Variants in SLC44A1 observed in about 807,000 individuals in gnomAD.
SLC44A1 encodes the protein choline transporter-like protein 1.
A neutral mutation model predicts 79.3 loss-of-function variants in SLC44A1; 26 were observed. The observed-to-expected ratio is 0.33, with a 90% CI of 0.24 to 0.46. The LOEUF (loss-of-function observed/expected upper bound fraction) is 0.46, where lower values mean the gene tolerates loss of function less well. Among genes scored for constraint, SLC44A1 ranks in the 20% least tolerant of loss-of-function variants. The pLI is 1.00. For missense variants in SLC44A1, 688 were observed against 798.1 expected (o/e 0.86, Z 1.66); for synonymous variants, 263 against 286.2 (o/e 0.92, Z 0.82).
chr9:105,287,476 A>G (rs911465709), intron 1 of SLC44A1, among the ~76,000 whole-genome samples: 1 of 152,212 alleles, frequency 6.6e-6, no homozygotes, highest in Non-Finnish European at 1.5e-5. Flanking sequence ...TAATATGTAC[A>G]GTATGGGAAC....
chr9:105,249,690 A>T (rs79811473), intron 1 of SLC44A1, among the ~76,000 whole-genome samples: 1 of 147,802 alleles, frequency 6.8e-6, no homozygotes, highest in African/African-American at 2.6e-5. Context: ...ACACCCAGCT[A>T]ATTTTTTTTT....
chr9:105,274,052 T>C (rs906662486), intron 1 of SLC44A1, among the ~76,000 whole-genome samples: 1 of 152,122 alleles, frequency 6.6e-6, no homozygotes, highest in Non-Finnish European at 1.5e-5. Context: ...ATACTGACAC[T>C]GATGTTAGAG....
chr9:105,292,164 G>A (rs569076904), intron 1 of SLC44A1, among the ~76,000 whole-genome samples: 3 of 152,228 alleles, frequency 2.0e-5, no homozygotes, highest in Admixed American at 1.3e-4. Context: ...GCTTAGTCTG[G>A]GGGAATGCCA....
Position 105,395,992 on chromosome 9 carries a change from A to G in SLC44A1, c.*6936A>G. On this transcript the variant is annotated 3_prime_UTR_variant, in exon 16 of 16. Coordinates refer to ENST00000374720, the MANE Select transcript of SLC44A1 (RefSeq NM_080546.5). ...GGGCTGGTGATTTGAAACAGGGACT[A>G]TTAAGTAGATTTTCCCCCATCCTCT... is the stretch of plus-strand genomic sequence containing the variant. The G allele has an allele frequency of 1.0e-6, 1 of 984,886 alleles. No homozygotes were observed. The highest frequency in any genetic ancestry group is 1.2e-6 in the Non-Finnish European group (1 of 829,812). 61.0% of individuals were successfully genotyped at this position (984,886 alleles called of 1,614,324 possible).
chr9:105,335,834 A>G (rs1826900445), intron 4 of SLC44A1, 135 bp downstream of exon 4: 8 of 868,772 alleles, frequency 9.2e-6, no homozygotes, highest in Non-Finnish European at 1.4e-5. Flanking sequence ...TTGCTAAAAA[A>G]TATTATAGTC....
chr9:105,354,574 A>T (rs1329142050), intron 5 of SLC44A1, among the ~76,000 whole-genome samples: 1 of 152,212 alleles, frequency 6.6e-6, no homozygotes, highest in Non-Finnish European at 1.5e-5. Context: ...ACCATTTTGG[A>T]GGTTGACACA....
intron 5 of SLC44A1, among the ~76,000 whole-genome samples, chr9:105,351,632 G>GAGAAAAGAAAGAAAGAAAGAA (rs1554797208): frequency 9.9e-6 from 1 of 101,358 alleles, no homozygotes; most frequent in Non-Finnish European, 2.0e-5. Context: ...GAGAGAGAAA[G>GAGAAAAGAAAGAAAGAAAGAA]AGAAAGAAAG....
In SLC44A1 at chr9:105,393,836, T is replaced by C. The variant is rs1803509767; in HGVS notation, c.*4780T>C. On this transcript the variant is annotated 3_prime_UTR_variant, in exon 16 of 16. Transcript: ENST00000374720. The stretch of plus-strand genomic sequence containing the variant: ...TTGATGCTCAGTTTTACAACTTAAA[T>C]GATTTTCTCCAGGACACGGAGCTCA... 1.0e-6 allele frequency: 1 copy of C among 984,846 alleles called. No homozygotes were observed. Among genetic ancestry groups the C allele is most frequent in the African/African-American group, 1.7e-5 (1 of 57,236 alleles). 61.0% of individuals were successfully genotyped at this position (984,846 alleles called of 1,614,324 possible). A position where few individuals can be genotyped will look rare whatever the true frequency, so the allele number is the denominator to read the frequency against.
chr9:105,399,961 C>T (rs1381745580), downstream of SLC44A1, among the ~76,000 whole-genome samples: 1 of 148,614 alleles, frequency 6.7e-6, no homozygotes, highest in African/African-American at 2.5e-5. Context: ...TTTGGGTGGC[C>T]GACATGGGTG....
At chr9:105,292,999 A>T (rs1830638975) in intron 1 of SLC44A1, among the ~76,000 whole-genome samples, 1 of 151,490 alleles carries the variant, frequency 6.6e-6, no homozygotes, top group African/African-American at 2.4e-5. Flanking sequence ...AATCCATTTA[A>T]AAAAAAAATT....
Position 105,348,346 on chromosome 9 carries a change from T to C in SLC44A1, c.407-12T>C. 2 of 1,507,988 alleles carry C rather than the reference T, an allele frequency of 1.3e-6. No homozygotes were observed. The highest frequency in any genetic ancestry group is 1.8e-6 in the Non-Finnish European group (2 of 1,089,176). 93.4% of individuals were successfully genotyped at this position (1,507,988 alleles called of 1,614,324 possible). A position where few individuals can be genotyped will look rare whatever the true frequency, so the allele number is the denominator to read the frequency against. ...ACTGTTCTGCCACCTAACATAATTT[T>C]TCTTTCAACAGGTTCAGCCCTATGT... is the stretch of plus-strand genomic sequence containing the variant. On this transcript the variant is annotated splice_polypyrimidine_tract_variant and intron_variant, in intron 4 of 15. Transcript: ENST00000374720.
At chr9:105,256,219 C>G (rs780319112) in intron 1 of SLC44A1, among the ~76,000 whole-genome samples, 1 of 151,870 alleles carries the variant, frequency 6.6e-6, no homozygotes, top group Non-Finnish European at 1.5e-5. Flanking sequence ...GCCATGTTGC[C>G]CAGGCTGGTC....
intron 3 of SLC44A1, among the ~76,000 whole-genome samples, chr9:105,318,179 TTTTG>T (rs1479440082): frequency 6.6e-6 from 1 of 152,170 alleles, no homozygotes; most frequent in Admixed American, 6.5e-5. Flanking sequence ...ATACAGGTTT[TTTTG>T]TTTGTTTGTT....
intron 2 of SLC44A1, among the ~76,000 whole-genome samples, chr9:105,304,963 T>G (rs866373327): frequency 3.9e-4 from 44 of 112,902 alleles, no homozygotes; most frequent in South Asian, 6.8e-4. Context: ...TTTTTTTTTT[T>G]TTTTTTTTTT....
At chr9:105,328,336 GT>G (rs1042198155) in intron 3 of SLC44A1, among the ~76,000 whole-genome samples, 1 of 152,206 alleles carries the variant, frequency 6.6e-6, no homozygotes, top group Non-Finnish European at 1.5e-5. Context: ...AGAGTGGAAA[GT>G]TGGCGTTTTA....
rs927943955 is a variant in SLC44A1 at position 105,316,132 on chromosome 9, C to CT, written c.269+6276dup. 8.2e-4 allele frequency among the ~76,000 whole-genome samples: 122 copies of CT among 149,314 alleles called. 1 individual carries two copies. In the East Asian group the frequency reaches 0.011, roughly 13 times the overall value. The stretch of plus-strand genomic sequence containing the variant: ...TATAGTCTTGAGCAAAATAAACATA[C>CT]TTTTTTTTTTATCTCATGGGAATTA... On this transcript the variant is annotated intron_variant, in intron 3 of 15. Transcript: ENST00000374720.
intron 1 of SLC44A1, among the ~76,000 whole-genome samples, chr9:105,273,446 G>C (rs1261258964): frequency 1.3e-5 from 2 of 152,128 alleles, no homozygotes; most frequent in Admixed American, 6.5e-5. Context: ...ATTACATTTG[G>C]CTTTTATTAA....
chr9:105,346,027 T>C (rs1302884297), intron 4 of SLC44A1, among the ~76,000 whole-genome samples: 1 of 150,146 alleles, frequency 6.7e-6, no homozygotes, highest in Non-Finnish European at 1.5e-5. Flanking sequence ...ACCTTCAAAA[T>C]GTTAACTGAA....
intron 7 of SLC44A1, among the ~76,000 whole-genome samples, chr9:105,360,846 C>T (rs895089942): frequency 1.3e-5 from 2 of 152,186 alleles, no homozygotes; most frequent in South Asian, 4.1e-4. Flanking sequence ...CCTCCAGCCT[C>T]CTCAGCTTAA....
Sources: allele counts gnomAD v4.1 joint callset (sites outside exome capture counted in the v4.1 genomes callset), GRCh38; gene constraint gnomAD v4.1.1; transcripts MANE v1.5; gene names NCBI Gene and HGNC (gene_info 2026-07-23, HGNC 2026-07-21).